The following CDK5RAP2 variants were observed in gnomAD, a reference collection of about 807,000 sequenced individuals.
CDK5RAP2 encodes the protein CDK5 regulatory subunit-associated protein 2.
CDK5RAP2 carries 147 observed loss-of-function variants against 232.9 expected under a neutral mutation model. The observed-to-expected ratio is 0.63, with a 90% CI of 0.55 to 0.72. The LOEUF (loss-of-function observed/expected upper bound fraction) is 0.72. Among genes scored for constraint, CDK5RAP2 ranks in the 30% least tolerant of loss-of-function variants. The probability of loss-of-function intolerance (pLI) is 0.00; values close to 1 mark genes in which losing one functional copy is unlikely to be tolerated. For synonymous variants in CDK5RAP2, 833 were observed against 833.7 expected (o/e 1.00, Z 0.01); for missense variants, 2,195 against 2,231.5 (o/e 0.98, Z 0.33).
At position 120,403,109 on chromosome 9, in the gene CDK5RAP2, G is replaced by C; in HGVS notation, c.5042-38C>G. On this transcript the variant is annotated intron_variant, in intron 33 of 37. Transcript: ENST00000349780. This position sits in a 1 kb window ranked among gnomAD's most constrained non-coding sequence, Gnocchi z 4.2. Reference sequence around the variant, plus strand: ...AAGTAGGATGTAAAATCTGTTTCAGGTAACACTCTGCGTTCAAGACGCTTA... The same window carrying C: ...AAGTAGGATGTAAAATCTGTTTCAGCTAACACTCTGCGTTCAAGACGCTTA... 1 of 1,608,268 alleles carries C rather than the reference G, an allele frequency of 6.2e-7. No individual in the cohort carries two copies. The highest frequency in any genetic ancestry group is 8.5e-7 in the Non-Finnish European group (1 of 1,174,926).
At chr9:120,437,555 T>C (rs376899933) in intron 24 of CDK5RAP2, 28 bp from the exon 25 acceptor site, 17 of 1,534,950 alleles carry the variant, frequency 1.1e-5, no homozygotes, top group East Asian at 4.5e-5. Context: ...AGAAAATACT[T>C]GGACCATTTT....
intron 20 of CDK5RAP2, among the ~76,000 whole-genome samples, chr9:120,454,894 C>A (rs2036673135): frequency 6.6e-6 from 1 of 152,212 alleles, no homozygotes; most frequent in African/African-American, 2.4e-5. Context: ...CTGTCTTACT[C>A]TCCCTGAGCC....
At chr9:120,477,223 C>T (rs2038062969) in intron 15 of CDK5RAP2, 127 bp downstream of exon 15, 3 of 780,240 alleles carry the variant, frequency 3.8e-6, no homozygotes, top group Non-Finnish European at 6.8e-6. Flanking sequence ...TTATAAGCTC[C>T]ATAAGCAAAC....
chr9:120,407,571 G>A, intron 31 of CDK5RAP2: 4 of 363,490 alleles, frequency 1.1e-5, no homozygotes, highest in South Asian at 8.7e-5. Flanking sequence ...GAAAGGGGAT[G>A]ATTTTAAGAG....
At chr9:120,413,830 A>G (rs12339209) in intron 28 of CDK5RAP2, among the ~76,000 whole-genome samples, 262 of 93,266 alleles carry the variant, frequency 2.8e-3, no homozygotes, top group East Asian at 6.0e-3. Context: ...GGGAGGAGGG[A>G]GGAGGGAGGA....
In CDK5RAP2 at chr9:120,544,762, T is replaced by G. The variant is rs527838108; in HGVS notation, c.383+952A>C. ...GTCACAGAACAAAACTTAGCACACT[T>G]TGGTGTTGCCACTTTACCCACAACA... On this transcript the variant is annotated intron_variant, in intron 5 of 37. Coordinates refer to ENST00000349780, the MANE Select transcript of CDK5RAP2 (RefSeq NM_018249.6). Among the ~76,000 whole-genome samples, 41 of 152,324 alleles carry G rather than the reference T, an allele frequency of 2.7e-4. 1 individual carries two copies. In the South Asian group the frequency reaches 6.6e-3, roughly 25 times the overall value.
At position 120,439,657 on chromosome 9, in the gene CDK5RAP2, T is replaced by C. The variant is rs2131328382; in HGVS notation, c.3464A>G (p.Asp1155Gly). ...TVLCGTEGAQ[D>G]GLSKPKNGSD... Reference sequence around the variant, plus strand: ...ACCATTCTTGGGCTTGCTCAAGCCATCCTGGGCCCCTTCTGTCCCACACAA... The same window carrying C: ...ACCATTCTTGGGCTTGCTCAAGCCACCCTGGGCCCCTTCTGTCCCACACAA... Residue 1155 changes from aspartate to glycine, a missense_variant, in exon 24 of 38, where the codon GAT becomes GGT. Physicochemically the swap from Asp to Gly is moderately conservative, Grantham distance 94. Coordinates refer to ENST00000349780, the MANE Select transcript of CDK5RAP2 (RefSeq NM_018249.6). 1 of 1,614,242 alleles carries C rather than the reference T, an allele frequency of 6.2e-7. No homozygotes were observed.
At chr9:120,464,190 TCTC>T (rs2037248104) in intron 18 of CDK5RAP2, among the ~76,000 whole-genome samples, 1 of 152,112 alleles carries the variant, frequency 6.6e-6, no homozygotes, top group Non-Finnish European at 1.5e-5. Context: ...CTCTACTGCC[TCTC>T]CCCCTGCCTC....
intron 12 of CDK5RAP2, among the ~76,000 whole-genome samples, chr9:120,492,094 A>G (rs1255816842): frequency 6.6e-6 from 1 of 151,958 alleles, no homozygotes; most frequent in East Asian, 1.9e-4. Flanking sequence ...TTACAGAAAA[A>G]GGAAAAAAAA....
chr9:120,416,157 G>A lies in CDK5RAP2; in HGVS notation c.4178-998C>T, dbSNP rs557889881. ...GTTCTGCAGCAGACACCGGCCGGGC[G>A]TCCTCTAATTCAGTTGGACCTGAAG... On this transcript the variant is annotated intron_variant, in intron 27 of 37. Coordinates refer to ENST00000349780, the MANE Select transcript of CDK5RAP2 (RefSeq NM_018249.6). Among the ~76,000 whole-genome samples the A allele has an allele frequency of 3.3e-5, 5 of 152,226 alleles. No individual in the cohort carries two copies. In the South Asian group the frequency reaches 8.3e-4, roughly 25 times the overall value.
chr9:120,455,837 T>C (rs1016518744), intron 20 of CDK5RAP2, among the ~76,000 whole-genome samples: 2 of 151,754 alleles, frequency 1.3e-5, no homozygotes, highest in Non-Finnish European at 2.9e-5. Flanking sequence ...GCTGGTCTAA[T>C]CACAGAGGAA....
chr9:120,467,843 A>G lies in CDK5RAP2; in HGVS notation c.2106+17T>C, dbSNP rs764733711. 2 of 1,613,804 alleles carry G rather than the reference A, an allele frequency of 1.2e-6. No homozygotes were observed. Among genetic ancestry groups the G allele is most frequent in the South Asian group, 2.2e-5 (2 of 91,068 alleles). On this transcript the variant is annotated intron_variant, in intron 18 of 37. Coordinates refer to ENST00000349780, the MANE Select transcript of CDK5RAP2 (RefSeq NM_018249.6). ...ATATTTTTGTAATCAGCACATGACAACAAAAATGTTTCTTACCTCTGTTTG... is the reference window on the plus strand; with the variant it reads ...ATATTTTTGTAATCAGCACATGACAGCAAAAATGTTTCTTACCTCTGTTTG...
chr9:120,517,873 AAC>A (rs1443551105), intron 12 of CDK5RAP2: 1 of 384,254 alleles, frequency 2.6e-6, no homozygotes, highest in Non-Finnish European at 5.2e-6. Context: ...CAGCCCAGGA[AAC>A]AGAGTGAGAC....
intron 14 of CDK5RAP2, among the ~76,000 whole-genome samples, chr9:120,479,670 G>C (rs1464946886): frequency 1.3e-5 from 2 of 152,186 alleles, no homozygotes; most frequent in Non-Finnish European, 2.9e-5. Flanking sequence ...GGTATAACTG[G>C]CCCAGGCACT....
At chr9:120,421,421 CT>C (rs1047449647) in intron 26 of CDK5RAP2, among the ~76,000 whole-genome samples, 1 of 152,150 alleles carries the variant, frequency 6.6e-6, no homozygotes, top group African/African-American at 2.4e-5. Context: ...AAGAGTATTT[CT>C]TTTAAATTTG....
chr9:120,435,531 AC>A (rs1198455348), intron 25 of CDK5RAP2, among the ~76,000 whole-genome samples: 1 of 151,948 alleles, frequency 6.6e-6, no homozygotes, highest in African/African-American at 2.4e-5. Context: ...ACACAATGAT[AC>A]CCTCGTAGCA....
At position 120,575,673 on chromosome 9, in the gene CDK5RAP2, A is replaced by T. The variant is rs541790851; in HGVS notation, c.60-3632T>A. On this transcript the variant is annotated intron_variant, in intron 1 of 37. Coordinates refer to ENST00000349780, the MANE Select transcript of CDK5RAP2 (RefSeq NM_018249.6). ...TAATTAGAGAAAAATACATAAATTT[A>T]AAAAAATACAGATAAGCCTAAAGTT... Among the ~76,000 whole-genome samples, 44 of 152,266 alleles carry T rather than the reference A, an allele frequency of 2.9e-4. 1 individual carries two copies. Among genetic ancestry groups the T allele is most frequent in the African/African-American group, 9.6e-4 (40 of 41,546 alleles).
In CDK5RAP2 at chr9:120,518,648, A is replaced by G. The variant is rs974345715; in HGVS notation, c.1093-3T>C. On this transcript the variant is annotated splice_region_variant and splice_polypyrimidine_tract_variant and intron_variant, in intron 11 of 37. Coordinates refer to ENST00000349780, the MANE Select transcript of CDK5RAP2 (RefSeq NM_018249.6). Reference sequence around the variant, plus strand: ...GCAGTCTCATAGTCTTCAGACCCCTAGAAGAGAAGGCAGAGAAGCAAGATG... The same window carrying G: ...GCAGTCTCATAGTCTTCAGACCCCTGGAAGAGAAGGCAGAGAAGCAAGATG... 5.6e-6 allele frequency: 9 copies of G among 1,611,888 alleles called. No homozygotes were observed. In the African/African-American group the frequency reaches 6.7e-5, roughly 12 times the overall value.
intron 12 of CDK5RAP2, among the ~76,000 whole-genome samples, chr9:120,513,012 C>T (rs3983898): frequency 0.94 from 143,267 of 152,188 alleles, 68,059 homozygotes; most frequent in East Asian, 1. Context: ...TTCTTACCAA[C>T]GTTTTCTTTA....
Sources: allele counts gnomAD v4.1 joint callset (sites outside exome capture counted in the v4.1 genomes callset), GRCh38; gene constraint gnomAD v4.1.1; non-coding constraint Gnocchi (gnomAD v3.1); transcripts MANE v1.5; gene names NCBI Gene and HGNC (gene_info 2026-07-23, HGNC 2026-07-21).